Variants in SPTSSA observed in about 807,000 individuals in gnomAD.
SPTSSA encodes the protein serine palmitoyltransferase small subunit A.
In SPTSSA, 8 loss-of-function variants were observed where a neutral mutation model predicts 9.1. The observed-to-expected ratio is 0.88, with a 90% confidence interval of 0.51 to 1.58. The LOEUF (loss-of-function observed/expected upper bound fraction) is 1.58. Among genes scored for constraint, SPTSSA ranks in the 40% most tolerant of loss-of-function variants. The pLI is 0.00. For missense variants in SPTSSA, 100 were observed against 93.8 expected (o/e 1.07, Z -0.27); for synonymous variants, 42 against 37.7 (o/e 1.11, Z -0.41).
At chr14:34,443,634 C>T (rs1455767835) in intron 1 of SPTSSA, among the ~76,000 whole-genome samples, 2 of 151,458 alleles carry the variant, frequency 1.3e-5, no homozygotes, top group African/African-American at 4.9e-5. Context: ...CTCCCAGGTT[C>T]AAGCGATTCT....
intron 1 of SPTSSA, among the ~76,000 whole-genome samples, chr14:34,438,301 A>C (rs116509012): frequency 1.3e-5 from 2 of 151,912 alleles, no homozygotes; most frequent in South Asian, 2.1e-4. Flanking sequence ...TTTTTTTTTT[A>C]AATTTAGAAT....
chr14:34,448,634 C>A (rs997495721), intron 1 of SPTSSA, among the ~76,000 whole-genome samples: 7 of 152,170 alleles, frequency 4.6e-5, no homozygotes, highest in African/African-American at 9.7e-5. Context: ...TGTAACCGGG[C>A]CTTTGAGCCC....
intron 1 of SPTSSA, among the ~76,000 whole-genome samples, chr14:34,444,742 ACT>A (rs1360286483): frequency 7.7e-5 from 11 of 142,458 alleles, no homozygotes; most frequent in Non-Finnish European, 1.5e-5. Flanking sequence ...ACAGGGCAAG[ACT>A]CTGCCTCAAA....
At chr14:34,446,828 G>T (rs931436925) in intron 1 of SPTSSA, among the ~76,000 whole-genome samples, 1 of 152,164 alleles carries the variant, frequency 6.6e-6, no homozygotes, top group Non-Finnish European at 1.5e-5. Context: ...AATAGAATTG[G>T]CTAAACAGAC....
intron 1 of SPTSSA, among the ~76,000 whole-genome samples, chr14:34,441,321 C>G (rs1015785474): frequency 6.6e-6 from 1 of 152,142 alleles, no homozygotes; most frequent in Non-Finnish European, 1.5e-5. Context: ...TGTAACTTTA[C>G]TTCATCCTCT....
At chr14:34,438,198 C>T (rs959422750) in intron 1 of SPTSSA, among the ~76,000 whole-genome samples, 1 of 152,132 alleles carries the variant, frequency 6.6e-6, no homozygotes, top group Middle Eastern at 3.2e-3. Flanking sequence ...ATCGTTTTGT[C>T]TTGGGCCCCA....
At chr14:34,457,971 GA>G (rs750575678) in intron 1 of SPTSSA, among the ~76,000 whole-genome samples, 1,328 of 54,706 alleles carry the variant, frequency 0.024, 8 homozygotes, top group Non-Finnish European at 0.03. Context: ...GACTGTCTCG[GA>G]AAAAAAAAAA....
intron 1 of SPTSSA, among the ~76,000 whole-genome samples, chr14:34,454,954 G>A (rs191058245): frequency 7.6e-4 from 115 of 152,198 alleles, no homozygotes; most frequent in Non-Finnish European, 7.2e-4. Flanking sequence ...GGGTGTGGTG[G>A]CAGGCACCTG....
chr14:34,459,470 A>G (rs1878567825), intron 1 of SPTSSA, among the ~76,000 whole-genome samples: 1 of 141,828 alleles, frequency 7.1e-6, no homozygotes, highest in African/African-American at 2.6e-5. Flanking sequence ...AAAAAAAAAA[A>G]AGAAAAAGAA....
Position 34,435,061 on chromosome 14 carries a change from T to C in SPTSSA, c.*140A>G. The C allele has an allele frequency of 3.7e-6, 2 of 534,234 alleles. No individual in the cohort carries two copies. The highest frequency in any genetic ancestry group is 6.7e-6 in the Non-Finnish European group (2 of 299,578). The allele number at this position is 534,234 out of a possible 1,614,324, so 33.1% of individuals were successfully genotyped here. A position where few individuals can be genotyped will look rare whatever the true frequency, so the allele number is the denominator to read the frequency against. On this transcript the variant is annotated 3_prime_UTR_variant, in exon 2 of 2. Coordinates refer to ENST00000298130, the MANE Select transcript of SPTSSA (RefSeq NM_138288.4). ...AACACATGAGTCAGGATGATTTTCC[T>C]GTTCTACTCATGAATTTTAGTCTTT...
intron 1 of SPTSSA, among the ~76,000 whole-genome samples, chr14:34,460,060 A>G (rs186778313): frequency 5.1e-4 from 78 of 152,282 alleles, no homozygotes; most frequent in African/African-American, 1.8e-3. Flanking sequence ...ACAAGTAGGG[A>G]AAAAAATCCA....
chr14:34,443,134 G>GGTGTGTGTGTGTGTGTGTGTGTGTGTGT (rs376742613), intron 1 of SPTSSA, among the ~76,000 whole-genome samples: 1 of 36,982 alleles, frequency 2.7e-5, no homozygotes, highest in Admixed American at 3.1e-4. Context: ...TGCTTCTAGG[G>GGTGTGTGTGTGTGTGTGTGTGTGTGTGT]GTGTGTGTGT....
At chr14:34,438,975 C>T (rs146729772) in intron 1 of SPTSSA, among the ~76,000 whole-genome samples, 1,864 of 152,212 alleles carry the variant, frequency 0.012, 37 homozygotes, top group African/African-American at 0.042. Context: ...TTAGGATCCA[C>T]AGAAGTAGAT....
chr14:34,457,971 G>GAAAAAAAAAA (rs750575678), intron 1 of SPTSSA, among the ~76,000 whole-genome samples: 4 of 54,694 alleles, frequency 7.3e-5, no homozygotes, highest in Non-Finnish European at 1.3e-4. Flanking sequence ...GACTGTCTCG[G>GAAAAAAAAAA]AAAAAAAAAA....
chr14:34,451,254 T>A (rs972756506), intron 1 of SPTSSA, among the ~76,000 whole-genome samples: 11 of 152,270 alleles, frequency 7.2e-5, no homozygotes, highest in Non-Finnish European at 1.6e-4. Context: ...GAAAAGGTCA[T>A]AGACCTTTGT....
chr14:34,458,040 G>T (rs1191183182), intron 1 of SPTSSA, among the ~76,000 whole-genome samples: 3 of 149,104 alleles, frequency 2.0e-5, no homozygotes, highest in African/African-American at 5.0e-5. Context: ...TAGTGAGGAA[G>T]AATTTACAAA....
At chr14:34,455,765 C>T (rs954942946) in intron 1 of SPTSSA, among the ~76,000 whole-genome samples, 2 of 151,602 alleles carry the variant, frequency 1.3e-5, no homozygotes, top group Non-Finnish European at 2.9e-5. Flanking sequence ...AACCCCGTCT[C>T]CACTAAAAAT....
At chr14:34,442,955 G>GGGT (rs1034174710) in intron 1 of SPTSSA, among the ~76,000 whole-genome samples, 1 of 124,118 alleles carries the variant, frequency 8.1e-6, no homozygotes, top group Non-Finnish European at 1.7e-5. Context: ...TGTCTAGGGG[G>GGGT]GTGTGTGTGT....
chr14:34,440,104 A>G (rs1883294616), intron 1 of SPTSSA, among the ~76,000 whole-genome samples: 1 of 152,204 alleles, frequency 6.6e-6, no homozygotes, highest in African/African-American at 2.4e-5. Flanking sequence ...CTATTTGTAG[A>G]TGTACTTACT....
Sources: gnomAD v4.1 joint callset for allele counts (sites outside exome capture counted in the v4.1 genomes callset) on GRCh38, gnomAD v4.1.1 for gene constraint, MANE v1.5 for transcripts, NCBI Gene and HGNC (gene_info 2026-07-23, HGNC 2026-07-21) for gene names.